The following DYM variants were observed in gnomAD, a reference collection of about 807,000 sequenced individuals.
The protein encoded by DYM is dyggve-Melchior-Clausen syndrome protein.
Under a neutral mutation model 93.1 loss-of-function variants are expected in DYM, and 78 were observed. The observed-to-expected ratio is 0.84, with a 90% confidence interval of 0.70 to 1.01. The LOEUF is 1.01. DYM is among the 50% of genes least tolerant of loss of function. The pLI is 0.00. For missense variants in DYM, 789 were observed against 845.0 expected (o/e 0.93, Z 0.82); for synonymous variants, 321 against 319.7 (o/e 1.00, Z -0.04).
chr18:49,173,628 TAAC>T (rs971328868), intron 14 of DYM, among the ~76,000 whole-genome samples: 1 of 152,108 alleles, frequency 6.6e-6, no homozygotes, highest in Non-Finnish European at 1.5e-5. Flanking sequence ...ATGCTGACAA[TAAC>T]AAATTTAACA....
chr18:49,441,961 A>G (rs887929051), intron 1 of DYM, among the ~76,000 whole-genome samples: 11 of 152,172 alleles, frequency 7.2e-5, no homozygotes, highest in African/African-American at 2.4e-4. Context: ...GAATGAAGAT[A>G]AAGTCAACTT....
intron 15 of DYM, among the ~76,000 whole-genome samples, chr18:49,157,609 T>A (rs2086613508): frequency 6.6e-6 from 1 of 152,154 alleles, no homozygotes; most frequent in African/African-American, 2.4e-5. Context: ...ATTTGCCCAT[T>A]TTAAAATTCC....
chr18:49,267,621 T>C (rs2094592326), intron 11 of DYM, among the ~76,000 whole-genome samples: 2 of 152,178 alleles, frequency 1.3e-5, no homozygotes, highest in African/African-American at 2.4e-5. Flanking sequence ...AGGCTGTGCA[T>C]GGTGGCTCAC....
At chr18:49,186,585 C>T (rs538479424) in intron 14 of DYM, among the ~76,000 whole-genome samples, 1 of 152,306 alleles carries the variant, frequency 6.6e-6, no homozygotes, top group East Asian at 1.9e-4. Context: ...ATCATCCATC[C>T]ACCCACCTGT....
At chr18:49,272,409 T>C (rs1439397411) in intron 10 of DYM, 106 bp from the exon 11 acceptor site, 17 of 801,696 alleles carry the variant, frequency 2.1e-5, no homozygotes, top group Non-Finnish European at 3.2e-5. Context: ...ATATCAGTTA[T>C]ATTTTTCATT....
At chr18:49,442,595 T>C (rs936651969) in intron 1 of DYM, among the ~76,000 whole-genome samples, 2 of 151,984 alleles carry the variant, frequency 1.3e-5, no homozygotes, top group Non-Finnish European at 2.9e-5. Flanking sequence ...AAAGGAATCA[T>C]AGAAAACAGA....
rs373233127 is a variant in DYM at position 49,097,366 on chromosome 18, G to A, written c.2025+36C>T. 9.7e-4 allele frequency: 1,527 copies of A among 1,570,638 alleles called. 3 individuals carry two copies. The highest frequency in any genetic ancestry group is 1.1e-3 in the Non-Finnish European group (1,280 of 1,141,090). On this transcript the variant is annotated intron_variant, in intron 17 of 17. Transcript: ENST00000675505. ...CACTAACATTTACATCAAGGGACACGGCAGTGTCAAGTGGACATTTCTTTA... is the reference window on the plus strand; with the variant it reads ...CACTAACATTTACATCAAGGGACACAGCAGTGTCAAGTGGACATTTCTTTA...
chr18:49,169,424 A>G (rs2088360220), intron 14 of DYM, among the ~76,000 whole-genome samples: 1 of 152,222 alleles, frequency 6.6e-6, no homozygotes, highest in Non-Finnish European at 1.5e-5. Flanking sequence ...AGTGTTGAGT[A>G]CACAGCAGAG....
intron 13 of DYM, among the ~76,000 whole-genome samples, chr18:49,240,643 A>T (rs9954423): frequency 0.012 from 1,881 of 152,102 alleles, 39 homozygotes; most frequent in African/African-American, 0.044. Context: ...TGACTTGAAA[A>T]TTTTTTTTAT....
At chr18:49,323,917 C>A (rs906984218) in intron 8 of DYM, among the ~76,000 whole-genome samples, 2 of 152,088 alleles carry the variant, frequency 1.3e-5, no homozygotes, top group Non-Finnish European at 2.9e-5. Context: ...GCGGGCAGAT[C>A]ACTTGAGGTC....
chr18:49,409,648 GT>G (rs2148172993), intron 2 of DYM, among the ~76,000 whole-genome samples: 1 of 152,270 alleles, frequency 6.6e-6, no homozygotes, highest in Non-Finnish European at 1.5e-5. Flanking sequence ...ATATTTGTTG[GT>G]AGGGAAAAAA....
At chr18:49,400,822 G>T (rs978167793) in intron 2 of DYM, among the ~76,000 whole-genome samples, 1 of 152,002 alleles carries the variant, frequency 6.6e-6, no homozygotes, top group Non-Finnish European at 1.5e-5. Flanking sequence ...GCTATAATGA[G>T]GTAGTAAGGA....
chr18:49,149,986 C>A (rs762507296), intron 15 of DYM, among the ~76,000 whole-genome samples: 6 of 152,124 alleles, frequency 3.9e-5, no homozygotes, highest in Non-Finnish European at 8.8e-5. Flanking sequence ...GGATTACAGG[C>A]ATGAGCCACC....
At chr18:49,135,024 C>T (rs2083703192) in intron 15 of DYM, among the ~76,000 whole-genome samples, 1 of 152,116 alleles carries the variant, frequency 6.6e-6, no homozygotes, top group African/African-American at 2.4e-5. Flanking sequence ...AGGAGAATCA[C>T]TTGAATCCGG....
intron 17 of DYM, among the ~76,000 whole-genome samples, chr18:49,076,506 AAG>A (rs1392652019): frequency 6.6e-6 from 1 of 152,234 alleles, no homozygotes; most frequent in African/African-American, 2.4e-5. Context: ...GTTTTATATA[AAG>A]AGTTATCATG....
At chr18:49,379,631 T>C (rs2067848513) in intron 4 of DYM, 34 bp downstream of exon 4, 1 of 1,517,744 alleles carries the variant, frequency 6.6e-7, no homozygotes, top group Non-Finnish European at 9.2e-7. Flanking sequence ...CATTGTTAAA[T>C]ATAAAGCAAA....
chr18:49,134,917 G>C (rs1032646306), intron 15 of DYM, among the ~76,000 whole-genome samples: 3 of 152,146 alleles, frequency 2.0e-5, no homozygotes, highest in African/African-American at 7.2e-5. Context: ...GACCAGCCTG[G>C]TCAACATGGT....
chr18:49,272,129 C>A, intron 11 of DYM, 49 bp downstream of exon 11: 1 of 1,562,420 alleles, frequency 6.4e-7, no homozygotes, highest in Non-Finnish European at 8.8e-7. Flanking sequence ...TACGTAGGGA[C>A]ATGTCTGTTC....
chr18:49,196,424 T>A (rs2091454381), intron 14 of DYM, among the ~76,000 whole-genome samples: 1 of 123,728 alleles, frequency 8.1e-6, no homozygotes, highest in Non-Finnish European at 1.7e-5. Context: ...TATTAAGTGC[T>A]AGGGATCAGT....
Sources: gnomAD v4.1 joint callset for allele counts (sites outside exome capture counted in the v4.1 genomes callset) on GRCh38, gnomAD v4.1.1 for gene constraint, MANE v1.5 for transcripts, NCBI Gene and HGNC (gene_info 2026-07-23, HGNC 2026-07-21) for gene names.